IGSF21: variants seen among roughly 807,000 people sequenced by gnomAD.
IGSF21 encodes immunoglobulin superfamily member 21.
In IGSF21, 28 loss-of-function variants were observed where a neutral mutation model predicts 46.8. That is an observed-to-expected ratio of 0.60 (90% CI 0.44 to 0.82). The LOEUF is 0.82. Ranked by LOEUF, IGSF21 falls within the 40% of genes least tolerant of loss-of-function variation. The pLI is 0.00. For missense variants in IGSF21, 624 were observed against 665.5 expected (o/e 0.94, Z 0.69); for synonymous variants, 284 against 273.6 (o/e 1.04, Z -0.38).
intron 2 of IGSF21, among the ~76,000 whole-genome samples, chr1:18,251,018 G>T (rs149951180): frequency 6.6e-6 from 1 of 152,132 alleles, no homozygotes; most frequent in Admixed American, 6.6e-5. Context: ...ATATGACAAG[G>T]AGTTAGCCAA....
chr1:18,267,001 A>C (rs2084995840), intron 2 of IGSF21, among the ~76,000 whole-genome samples: 2 of 151,984 alleles, frequency 1.3e-5, no homozygotes, highest in Admixed American at 6.6e-5. Context: ...ACAATATTTG[A>C]CCTCCAGGAG....
At chr1:18,147,199 G>T (rs1476607953) in intron 1 of IGSF21, among the ~76,000 whole-genome samples, 1 of 152,162 alleles carries the variant, frequency 6.6e-6, no homozygotes, top group East Asian at 1.9e-4. Flanking sequence ...ATCAGATCCA[G>T]TCGCTTCCGG....
At chr1:18,353,004 G>A (rs1015202953) in intron 4 of IGSF21, among the ~76,000 whole-genome samples, 2 of 152,140 alleles carry the variant, frequency 1.3e-5, no homozygotes, top group Admixed American at 1.3e-4. Flanking sequence ...TCCCATGGCC[G>A]CTTTCAAGTT....
chr1:18,302,134 T>C (rs1024316954), intron 3 of IGSF21, among the ~76,000 whole-genome samples: 1 of 147,324 alleles, frequency 6.8e-6, no homozygotes, highest in Non-Finnish European at 1.5e-5. Context: ...CTTCAGGGGC[T>C]GCCTGGCCTT....
intron 1 of IGSF21, among the ~76,000 whole-genome samples, chr1:18,156,833 C>T (rs2086573772): frequency 6.6e-6 from 1 of 152,166 alleles, no homozygotes; most frequent in South Asian, 2.1e-4. Context: ...GACTGAAATC[C>T]GGACTCAGCA....
At chr1:18,145,613 A>G (rs1384747509) in intron 1 of IGSF21, among the ~76,000 whole-genome samples, 1 of 152,110 alleles carries the variant, frequency 6.6e-6, no homozygotes, top group African/African-American at 2.4e-5. Context: ...TTGCCACAAC[A>G]ACACAGATGC....
intron 1 of IGSF21, among the ~76,000 whole-genome samples, chr1:18,204,962 A>T (rs2087111448): frequency 6.6e-6 from 1 of 152,186 alleles, no homozygotes; most frequent in Non-Finnish European, 1.5e-5. Context: ...AAATAAACTG[A>T]TGTTGGACAC....
intron 1 of IGSF21, among the ~76,000 whole-genome samples, chr1:18,208,639 C>T (rs550557350): frequency 4.0e-5 from 6 of 149,570 alleles, no homozygotes; most frequent in Non-Finnish European, 5.9e-5. Context: ...CCTCGTTATC[C>T]GCCCGCCTCG....
At chr1:18,355,499 G>A (rs1331349765) in intron 4 of IGSF21, among the ~76,000 whole-genome samples, 2 of 152,168 alleles carry the variant, frequency 1.3e-5, no homozygotes, top group African/African-American at 2.4e-5. Flanking sequence ...GAGTGATGGA[G>A]GTTGGCTGTG....
At chr1:18,198,555 C>A (rs764935173) in intron 1 of IGSF21, among the ~76,000 whole-genome samples, 1 of 152,352 alleles carries the variant, frequency 6.6e-6, no homozygotes, top group African/African-American at 2.4e-5. Context: ...AAAATACAGA[C>A]GGTCTCCAGA....
chr1:18,275,706 G>C (rs924369564), intron 2 of IGSF21, among the ~76,000 whole-genome samples: 6 of 152,186 alleles, frequency 3.9e-5, no homozygotes, highest in Non-Finnish European at 8.8e-5. Context: ...CTGGACTAAA[G>C]TCTGTGTCAT....
chr1:18,295,711 G>T (rs1216001735), intron 3 of IGSF21, among the ~76,000 whole-genome samples: 1 of 152,210 alleles, frequency 6.6e-6, no homozygotes, highest in Admixed American at 6.5e-5. Flanking sequence ...GGCAGTGCCA[G>T]CATCCTTGGT....
intron 4 of IGSF21, among the ~76,000 whole-genome samples, chr1:18,359,411 G>A (rs1171835562): frequency 7.0e-5 from 10 of 142,894 alleles, no homozygotes; most frequent in African/African-American, 2.1e-4. Context: ...AGGAAGGAAG[G>A]AAGGAAGGAA....
intron 6 of IGSF21, among the ~76,000 whole-genome samples, chr1:18,372,822 TTGGATGGATGGA>T (rs562780101): frequency 2.7e-5 from 3 of 110,462 alleles, no homozygotes; most frequent in Non-Finnish European, 5.6e-5. Flanking sequence ...GGATGGATAT[TTGGATGGATGGA>T]TGGATGGATG....
At chr1:18,350,521 C>G (rs1329140202) in intron 4 of IGSF21, among the ~76,000 whole-genome samples, 2 of 152,160 alleles carry the variant, frequency 1.3e-5, no homozygotes, top group Admixed American at 1.3e-4. Flanking sequence ...ATCAAGCAAA[C>G]GCAGTTCAAT....
At chr1:18,230,592 C>T (rs1456016883) in intron 2 of IGSF21, among the ~76,000 whole-genome samples, 1 of 151,962 alleles carries the variant, frequency 6.6e-6, no homozygotes, top group African/African-American at 2.4e-5. Flanking sequence ...TCTCAGGGAG[C>T]CCACGTGCCC....
At chr1:18,129,327 G>A (rs1262940761) in intron 1 of IGSF21, among the ~76,000 whole-genome samples, 5 of 152,096 alleles carry the variant, frequency 3.3e-5, no homozygotes, top group African/African-American at 1.2e-4. Flanking sequence ...AGGTGGGAGA[G>A]GAGGTGAGAG....
chr1:18,338,493 AG>A (rs1161700193), intron 4 of IGSF21, among the ~76,000 whole-genome samples: 1 of 152,136 alleles, frequency 6.6e-6, no homozygotes, highest in East Asian at 1.9e-4. Context: ...GGAAGCTCCC[AG>A]GACAGTGGGG....
At chr1:18,300,914 C>T (rs533181434) in intron 3 of IGSF21, among the ~76,000 whole-genome samples, 1 of 152,328 alleles carries the variant, frequency 6.6e-6, no homozygotes, top group Admixed American at 6.5e-5. Flanking sequence ...GTTCTCATCT[C>T]TCTGACTAGG....
Sources: gnomAD v4.1 joint callset for allele counts (sites outside exome capture counted in the v4.1 genomes callset) on GRCh38, gnomAD v4.1.1 for gene constraint, MANE v1.5 for transcripts, NCBI Gene and HGNC (gene_info 2026-07-23, HGNC 2026-07-21) for gene names.